CLEC16A: variants seen among roughly 807,000 people sequenced by gnomAD.
CLEC16A encodes C-type lectin domain containing 16A.
CLEC16A carries 51 observed loss-of-function variants against 109.5 expected under a neutral mutation model. The ratio of observed to expected loss-of-function variants is 0.47; its 90% CI spans 0.37 to 0.59. CLEC16A has a LOEUF of 0.59. CLEC16A is among the 20% of genes least tolerant of loss of function. The pLI is 0.00. For synonymous variants in CLEC16A, 673 were observed against 564.2 expected (o/e 1.19, Z -2.73); for missense variants, 1,339 against 1,394.0 (o/e 0.96, Z 0.63).
intron 19 of CLEC16A, among the ~76,000 whole-genome samples, chr16:11,083,017 C>T (rs1338733259): frequency 6.6e-6 from 1 of 152,216 alleles, no homozygotes; most frequent in Non-Finnish European, 1.5e-5. Flanking sequence ...CCCTGGAGAG[C>T]CCAGACAAAG....
chr16:11,074,070 T>C (rs2049215736), intron 19 of CLEC16A, among the ~76,000 whole-genome samples: 1 of 152,334 alleles, frequency 6.6e-6, no homozygotes, highest in South Asian at 2.1e-4. Flanking sequence ...TTTCTAAAAA[T>C]GTAGATTGTT....
At chr16:11,069,352 C>A (rs1027512894) in intron 19 of CLEC16A, among the ~76,000 whole-genome samples, 1 of 148,724 alleles carries the variant, frequency 6.7e-6, no homozygotes, top group African/African-American at 2.5e-5. Flanking sequence ...TGGTCTCAAA[C>A]TCCTCTGCTC....
intron 19 of CLEC16A, among the ~76,000 whole-genome samples, chr16:11,071,804 C>T (rs1229276244): frequency 6.8e-6 from 1 of 146,890 alleles, no homozygotes. Context: ...CTGTGTTGCC[C>T]AGGCTGGTCT....
At chr16:11,158,892 C>T (rs569761244) in intron 22 of CLEC16A, among the ~76,000 whole-genome samples, 2 of 149,932 alleles carry the variant, frequency 1.3e-5, no homozygotes, top group East Asian at 3.9e-4. Context: ...TGCACTCTAG[C>T]CTGGGTGACA....
intron 10 of CLEC16A, among the ~76,000 whole-genome samples, chr16:10,996,804 C>T (rs967030031): frequency 2.6e-5 from 4 of 152,076 alleles, no homozygotes; most frequent in Admixed American, 6.6e-5. Context: ...CTCTGAGAGG[C>T]GTGGCCTGTG....
rs199667124 is a variant in CLEC16A, at chr16:10,959,394, G to GT, written c.209+1492dup. 1.6e-3 allele frequency among the ~76,000 whole-genome samples: 240 copies of GT among 151,856 alleles called. 3 individuals carry two copies. The East Asian group carries it at 0.032, about 20-fold the overall frequency. On this transcript the variant is annotated intron_variant, in intron 2 of 23. Transcript: ENST00000409790. ...CCTTTAAGGATCCATGGGGAATTTT[G>GT]TTTTTTTTGTTTTGTGAGATGGAGT... is the stretch of plus-strand genomic sequence containing the variant.
intron 11 of CLEC16A, among the ~76,000 whole-genome samples, chr16:11,009,292 A>G (rs1218664932): frequency 1.3e-5 from 2 of 152,308 alleles, no homozygotes; most frequent in Non-Finnish European, 2.9e-5. Flanking sequence ...TTTAGGCTGA[A>G]TAATAATTCC....
chr16:10,945,827 T>C (rs1567481031), intron 1 of CLEC16A, among the ~76,000 whole-genome samples: 1 of 152,228 alleles, frequency 6.6e-6, no homozygotes, highest in Non-Finnish European at 1.5e-5. Context: ...CATTGAGTGC[T>C]TCTCCACTCT....
chr16:11,102,347 A>G (rs1379003274), intron 19 of CLEC16A, among the ~76,000 whole-genome samples: 1 of 152,236 alleles, frequency 6.6e-6, no homozygotes. Flanking sequence ...AACGTAAAGC[A>G]GGGAATTTGG....
chr16:10,950,231 T>C (rs770352540), intron 1 of CLEC16A, among the ~76,000 whole-genome samples: 8 of 152,210 alleles, frequency 5.3e-5, no homozygotes, highest in Non-Finnish European at 1.0e-4. Context: ...TTTGTTGTTT[T>C]CTCCCAATTT....
rs199763996 is a variant in CLEC16A at position 11,123,739 on chromosome 16, C to T, written c.2269-3C>T. On this transcript the variant is annotated splice_polypyrimidine_tract_variant and splice_region_variant and intron_variant, in intron 20 of 23. Transcript: ENST00000409790. The stretch of plus-strand genomic sequence containing the variant: ...GCCTTTTCCTTTGCTTCTCACTGTG[C>T]AGGACATGCAGGTGACTGGCGTGGA... The T allele has an allele frequency of 6.2e-7, 1 of 1,614,002 alleles. No homozygotes were observed. Among genetic ancestry groups the T allele is most frequent in the East Asian group, 2.2e-5 (1 of 44,892 alleles).
At chr16:11,177,103 C>T (rs1346847330) in intron 23 of CLEC16A, among the ~76,000 whole-genome samples, 2 of 152,208 alleles carry the variant, frequency 1.3e-5, no homozygotes, top group South Asian at 2.1e-4. Flanking sequence ...CAGCACCTCC[C>T]GCCATGGCTT....
At chr16:11,168,218 G>A (rs1386753920) in intron 23 of CLEC16A, among the ~76,000 whole-genome samples, 1 of 152,184 alleles carries the variant, frequency 6.6e-6, no homozygotes, top group East Asian at 1.9e-4. Flanking sequence ...AGGGCCTGGT[G>A]TCTGCAGTGT....
chr16:11,134,487 C>T (rs1413153031), intron 22 of CLEC16A, among the ~76,000 whole-genome samples: 1 of 152,152 alleles, frequency 6.6e-6, no homozygotes, highest in Non-Finnish European at 1.5e-5. Flanking sequence ...GAGATCTGTA[C>T]CTCCCCTTCC....
chr16:11,026,840 G>A (rs1370381023), intron 13 of CLEC16A, among the ~76,000 whole-genome samples: 10 of 152,200 alleles, frequency 6.6e-5, no homozygotes, highest in Non-Finnish European at 1.5e-4. Flanking sequence ...CCCTGGAAGC[G>A]GTGCAACTTT....
intron 11 of CLEC16A, among the ~76,000 whole-genome samples, chr16:11,014,939 T>A (rs2045652656): frequency 6.6e-6 from 1 of 152,192 alleles, no homozygotes; most frequent in African/African-American, 2.4e-5. Flanking sequence ...TTTGATGTCC[T>A]CTTCTAAAGA....
At chr16:11,119,241 G>A (rs1020771725) in intron 19 of CLEC16A, among the ~76,000 whole-genome samples, 1 of 152,126 alleles carries the variant, frequency 6.6e-6, no homozygotes, top group African/African-American at 2.4e-5. Context: ...GACGTCAAGT[G>A]ATCTGCCCAC....
intron 10 of CLEC16A, among the ~76,000 whole-genome samples, chr16:10,992,694 C>G (rs1312489231): frequency 6.6e-6 from 1 of 151,954 alleles, no homozygotes; most frequent in Non-Finnish European, 1.5e-5. Context: ...CCCTTGTGCA[C>G]TCCCTGCCTC....
chr16:11,065,857 T>C (rs2048727458), intron 19 of CLEC16A, among the ~76,000 whole-genome samples: 1 of 152,184 alleles, frequency 6.6e-6, no homozygotes, highest in Non-Finnish European at 1.5e-5. Flanking sequence ...CTTGGGTGGC[T>C]GGCACACAAG....
Sources: gnomAD v4.1 joint callset for allele counts (sites outside exome capture counted in the v4.1 genomes callset) on GRCh38, gnomAD v4.1.1 for gene constraint, MANE v1.5 for transcripts, NCBI Gene and HGNC (gene_info 2026-07-23, HGNC 2026-07-21) for gene names.